Variants in HS3ST4 observed in about 807,000 individuals in gnomAD.
HS3ST4 encodes heparan sulfate-glucosamine 3-sulfotransferase 4, also known as heparan sulfate glucosamine 3-O-sulfotransferase 4.
HS3ST4 carries 17 observed loss-of-function variants against 29.2 expected under a neutral mutation model. That is an observed-to-expected ratio of 0.58 (90% confidence interval 0.40 to 0.87). The LOEUF is 0.87. Among genes scored for constraint, HS3ST4 ranks in the 40% least tolerant of loss-of-function variants. The pLI, the probability that HS3ST4 is intolerant of heterozygous loss-of-function variation, is 0.00. For synonymous variants in HS3ST4, 314 were observed against 285.7 expected (o/e 1.10, Z -1.00); for missense variants, 627 against 634.5 (o/e 0.99, Z 0.13).
At chr16:25,944,119 A>C (rs1157700317) in intron 1 of HS3ST4, among the ~76,000 whole-genome samples, 2 of 151,898 alleles carry the variant, frequency 1.3e-5, no homozygotes, top group African/African-American at 2.4e-5. Context: ...CTTTTTCCAC[A>C]TTTGTTAGTG....
rs1259864060 is a variant in HS3ST4, at chr16:26,135,780, A to T, written c.903A>T (p.Thr301=). 1.9e-6 allele frequency: 3 copies of T among 1,605,916 alleles called. No individual in the cohort carries two copies. Among genetic ancestry groups the T allele is most frequent in the East Asian group, 2.2e-5 (1 of 44,496 alleles). ...VTRAISDYTQ[T]LSKKPEIPTF... ...GGGCCATCTCTGACTACACGCAGAC[A>T]CTGTCAAAGAAACCCGAGATCCCCA... is the stretch of plus-strand genomic sequence containing the variant. Residue 301 remains threonine, a synonymous_variant, in exon 2 of 2, where the codon ACA becomes ACT. Coordinates refer to ENST00000331351, the MANE Select transcript of HS3ST4 (RefSeq NM_006040.3).
intron 1 of HS3ST4, among the ~76,000 whole-genome samples, chr16:26,035,141 G>A (rs1175156000): frequency 6.6e-6 from 1 of 152,118 alleles, no homozygotes. Flanking sequence ...ATTCGGTTTA[G>A]GTAAGAACAT....
intron 1 of HS3ST4, among the ~76,000 whole-genome samples, chr16:25,977,879 G>A (rs11859501): frequency 0.026 from 3,993 of 152,198 alleles, 191 homozygotes; most frequent in African/African-American, 0.091. Context: ...ACAGATTGCC[G>A]CCCCCTGCCT....
intron 1 of HS3ST4, among the ~76,000 whole-genome samples, chr16:25,751,247 G>A (rs919855302): frequency 2.0e-5 from 3 of 152,154 alleles, no homozygotes; most frequent in Non-Finnish European, 4.4e-5. Flanking sequence ...CTCTGAAAGT[G>A]CGTGTGTGCG....
intron 1 of HS3ST4, among the ~76,000 whole-genome samples, chr16:26,001,682 T>C (rs941591581): frequency 3.3e-5 from 5 of 152,184 alleles, no homozygotes; most frequent in Admixed American, 3.3e-4. Flanking sequence ...CATTCTTTCA[T>C]TGGTTGTTTG....
At chr16:25,863,800 G>C (rs763072779) in intron 1 of HS3ST4, among the ~76,000 whole-genome samples, 1 of 152,140 alleles carries the variant, frequency 6.6e-6, no homozygotes, top group Non-Finnish European at 1.5e-5. Context: ...CTTGAACATC[G>C]TGCTACTCAA....
intron 1 of HS3ST4, among the ~76,000 whole-genome samples, chr16:25,872,659 G>A (rs1479881391): frequency 2.0e-5 from 3 of 152,184 alleles, no homozygotes; most frequent in Non-Finnish European, 4.4e-5. Context: ...TAAAATGCAA[G>A]CACTTTTCAG....
At chr16:25,830,353 C>T (rs1967281713) in intron 1 of HS3ST4, among the ~76,000 whole-genome samples, 1 of 152,116 alleles carries the variant, frequency 6.6e-6, no homozygotes, top group Non-Finnish European at 1.5e-5. Flanking sequence ...TAAATTTTAT[C>T]ACCCCAATGG....
At chr16:26,077,715 G>C (rs549617071) in intron 1 of HS3ST4, among the ~76,000 whole-genome samples, 1 of 152,180 alleles carries the variant, frequency 6.6e-6, no homozygotes, top group Non-Finnish European at 1.5e-5. Context: ...TCAATACAAA[G>C]GACATTTATG....
intron 1 of HS3ST4, among the ~76,000 whole-genome samples, chr16:25,885,479 T>A (rs923728213): frequency 6.6e-6 from 1 of 152,156 alleles, no homozygotes; most frequent in Non-Finnish European, 1.5e-5. Context: ...GATACCTTAT[T>A]TGGGGCACTC....
At chr16:25,841,140 G>A (rs7359384) in intron 1 of HS3ST4, among the ~76,000 whole-genome samples, 1 of 151,158 alleles carries the variant, frequency 6.6e-6, no homozygotes, top group East Asian at 1.9e-4. Flanking sequence ...CAAGTAGCTG[G>A]GACTACAGGT....
intron 1 of HS3ST4, among the ~76,000 whole-genome samples, chr16:25,709,817 A>C (rs1467255958): frequency 6.6e-6 from 1 of 152,106 alleles, no homozygotes; most frequent in Non-Finnish European, 1.5e-5. Context: ...AGAAATCACT[A>C]ATTATTTATT....
At chr16:25,728,811 A>T (rs919070301) in intron 1 of HS3ST4, among the ~76,000 whole-genome samples, 1 of 152,224 alleles carries the variant, frequency 6.6e-6, no homozygotes, top group Non-Finnish European at 1.5e-5. Flanking sequence ...GGCAAAACAC[A>T]GTGGTTCATG....
chr16:26,116,437 C>G (rs1020701534), intron 1 of HS3ST4, among the ~76,000 whole-genome samples: 1 of 152,116 alleles, frequency 6.6e-6, no homozygotes, highest in Non-Finnish European at 1.5e-5. Flanking sequence ...GACATAGTAC[C>G]AGGAGGTGGG....
At chr16:26,103,186 T>A (rs1010927047) in intron 1 of HS3ST4, among the ~76,000 whole-genome samples, 7 of 152,162 alleles carry the variant, frequency 4.6e-5, no homozygotes, top group Non-Finnish European at 8.8e-5. Context: ...CAGAGTTGGA[T>A]GTTTTACACA....
chr16:25,739,235 G>A (rs771568440), intron 1 of HS3ST4, among the ~76,000 whole-genome samples: 2 of 152,104 alleles, frequency 1.3e-5, no homozygotes, highest in African/African-American at 2.4e-5. Flanking sequence ...CCAGCTACTC[G>A]GGAGGTTGAG....
chr16:25,935,062 A>G (rs1020856364), intron 1 of HS3ST4, among the ~76,000 whole-genome samples: 1 of 152,034 alleles, frequency 6.6e-6, no homozygotes, highest in Non-Finnish European at 1.5e-5. Context: ...AGTGTCTGGC[A>G]TTTCCCCTGC....
At chr16:25,837,946 C>G (rs928828055) in intron 1 of HS3ST4, among the ~76,000 whole-genome samples, 1 of 152,100 alleles carries the variant, frequency 6.6e-6, no homozygotes, top group Non-Finnish European at 1.5e-5. Context: ...CCCACTTCCC[C>G]CTCTTGTAGT....
At chr16:25,695,080 C>T (rs1420969128) in intron 1 of HS3ST4, among the ~76,000 whole-genome samples, 3 of 152,198 alleles carry the variant, frequency 2.0e-5, no homozygotes, top group Non-Finnish European at 1.5e-5. Flanking sequence ...CCTTGTTTGA[C>T]GTGGCTCCTG....
Sources: allele counts gnomAD v4.1 joint callset (sites outside exome capture counted in the v4.1 genomes callset), GRCh38; gene constraint gnomAD v4.1.1; transcripts MANE v1.5; gene names NCBI Gene and HGNC (gene_info 2026-07-23, HGNC 2026-07-21).